The following TBC1D31 variants were observed in gnomAD, a reference collection of about 807,000 sequenced individuals.
TBC1D31 encodes WD repeat domain 67.
TBC1D31 carries 99 observed loss-of-function variants against 132.9 expected under a neutral mutation model. The ratio of observed to expected loss-of-function variants is 0.74; its 90% confidence interval spans 0.63 to 0.88. TBC1D31 has a LOEUF of 0.88. Among genes scored for constraint, TBC1D31 ranks in the 40% least tolerant of loss-of-function variants. TBC1D31 has a pLI of 0.00. For missense variants in TBC1D31, 1,134 were observed against 1,256.6 expected (o/e 0.90, Z 1.48); for synonymous variants, 385 against 419.4 (o/e 0.92, Z 1.00).
chr8:123,112,868 T>G (rs1290555482), intron 10 of TBC1D31, among the ~76,000 whole-genome samples: 1 of 152,214 alleles, frequency 6.6e-6, no homozygotes, highest in African/African-American at 2.4e-5. Flanking sequence ...TCACACTTAC[T>G]ATGCTTCCTG....
At chr8:123,122,373 C>T (rs548898440) in intron 11 of TBC1D31, among the ~76,000 whole-genome samples, 83 of 152,294 alleles carry the variant, frequency 5.4e-4, no homozygotes, top group Non-Finnish European at 1.1e-3. Context: ...TGAGGTCCTG[C>T]CACATGCTAG....
chr8:123,137,922 T>C (rs754150782), intron 17 of TBC1D31, among the ~76,000 whole-genome samples: 2 of 152,224 alleles, frequency 1.3e-5, no homozygotes, highest in African/African-American at 2.4e-5. Flanking sequence ...GCACAGTGTC[T>C]GATGTATGAT....
In TBC1D31 at chr8:123,126,173, A is replaced by G. The variant is rs767233564; in HGVS notation, c.1688A>G (p.His563Arg). The G allele has an allele frequency of 1.9e-6, 3 of 1,608,890 alleles. No homozygotes were observed. The highest frequency in any genetic ancestry group is 2.5e-6 in the Non-Finnish European group (3 of 1,178,172). Residue 563 changes from histidine (H) to arginine (R), a missense_variant, in exon 12 of 22, where the codon CAT becomes CGT. By Grantham distance (29) the His-to-Arg change is conservative (BLOSUM62 0). Transcript: ENST00000287380. ...GAACTGCTGCAACACTTCATAGATCATGATATAACCTCCCAGGTAAGAAGC... is the reference window on the plus strand; with the variant it reads ...GAACTGCTGCAACACTTCATAGATCGTGATATAACCTCCCAGGTAAGAAGC... ...DKELLQHFID[H>R]DITSQLYAWP...
intron 14 of TBC1D31, among the ~76,000 whole-genome samples, chr8:123,128,753 G>T (rs1205815134): frequency 2.6e-5 from 4 of 152,020 alleles, no homozygotes. Context: ...GCACGCCCCT[G>T]TAGTCCCAGC....
At chr8:123,096,671 C>T (rs1816868761) in intron 5 of TBC1D31, among the ~76,000 whole-genome samples, 1 of 152,252 alleles carries the variant, frequency 6.6e-6, no homozygotes, top group Non-Finnish European at 1.5e-5. Context: ...TGGGACCATA[C>T]CTGGCTTATA....
chr8:123,139,946 T>G (rs1821464336), intron 17 of TBC1D31, among the ~76,000 whole-genome samples: 1 of 152,162 alleles, frequency 6.6e-6, no homozygotes, highest in South Asian at 2.1e-4. Context: ...GAGTGGTCTT[T>G]CAGGGACCAC....
intron 17 of TBC1D31, among the ~76,000 whole-genome samples, chr8:123,137,655 T>A (rs1398564455): frequency 6.6e-6 from 1 of 152,238 alleles, no homozygotes; most frequent in Non-Finnish European, 1.5e-5. Flanking sequence ...AGTGCATATG[T>A]GGCTGACTTT....
At chr8:123,138,856 C>T (rs1440486667) in intron 17 of TBC1D31, among the ~76,000 whole-genome samples, 1 of 152,200 alleles carries the variant, frequency 6.6e-6, no homozygotes, top group Non-Finnish European at 1.5e-5. Context: ...GTCACCCAGG[C>T]TGGAGTGCAG....
At chr8:123,117,902 TG>T (rs1177362486) in intron 10 of TBC1D31, among the ~76,000 whole-genome samples, 136 of 152,316 alleles carry the variant, frequency 8.9e-4, no homozygotes, top group Non-Finnish European at 1.0e-4. Flanking sequence ...CACTCCAGCC[TG>T]GGCAACAGTG....
intron 7 of TBC1D31, chr8:123,102,578 T>G: frequency 4.2e-6 from 1 of 235,940 alleles, no homozygotes; most frequent in South Asian, 5.0e-5. Flanking sequence ...CTCCTCATTA[T>G]TTGTGCATTC....
chr8:123,100,335 G>A (rs534218005), intron 6 of TBC1D31, among the ~76,000 whole-genome samples: 7 of 152,002 alleles, frequency 4.6e-5, no homozygotes, highest in South Asian at 2.1e-4. Flanking sequence ...CAGCACTTTC[G>A]GAGGCCGAGG....
At chr8:123,073,748 C>T (rs911288982) in intron 1 of TBC1D31, among the ~76,000 whole-genome samples, 10 of 152,160 alleles carry the variant, frequency 6.6e-5, no homozygotes, top group African/African-American at 2.2e-4. Context: ...TGCAGTGGCG[C>T]GACCTCGGCT....
intron 16 of TBC1D31, 105 bp from the exon 17 acceptor site, chr8:123,134,009 T>G: frequency 1.3e-6 from 1 of 772,618 alleles, no homozygotes; most frequent in Non-Finnish European, 2.0e-6. Context: ...GTTGCTGTTA[T>G]TTTAAATACT....
At chr8:123,153,371 C>G (rs1480473949), downstream of TBC1D31, among the ~76,000 whole-genome samples, 1 of 152,178 alleles carries the variant, frequency 6.6e-6, no homozygotes, top group Non-Finnish European at 1.5e-5. Context: ...TGCAGCTACA[C>G]ACGCCACATA....
intron 2 of TBC1D31, among the ~76,000 whole-genome samples, chr8:123,078,112 A>T (rs1814731005): frequency 1.3e-5 from 2 of 152,294 alleles, no homozygotes; most frequent in South Asian, 4.1e-4. Context: ...GAAACAATTT[A>T]GTCCGAAAGC....
At chr8:123,164,289 C>A in the TBC1D31 span, among the ~76,000 whole-genome samples, 1 of 152,206 alleles carries the variant, frequency 6.6e-6, no homozygotes, top group Non-Finnish European at 1.5e-5. Flanking sequence ...AAGGCCCCTG[C>A]TCTGGGTATA....
At chr8:123,132,207 A>G (rs1381067610) in intron 16 of TBC1D31, among the ~76,000 whole-genome samples, 5 of 152,070 alleles carry the variant, frequency 3.3e-5, no homozygotes, top group African/African-American at 9.7e-5. Context: ...GTTCTCACTC[A>G]TTAGTCTTCC....
rs1325702408 is a variant in TBC1D31 at position 123,130,181 on chromosome 8, T to C, written c.2271-17T>C. 7 of 1,598,378 alleles carry C rather than the reference T, an allele frequency of 4.4e-6. No homozygotes were observed. The highest frequency in any genetic ancestry group is 5.1e-6 in the Non-Finnish European group (6 of 1,173,168). ...GAATTGCTGTATTTGTTCCACTTGA[T>C]GTATTTTGTATTTAAGGCTAGCTGC... On this transcript the variant is annotated splice_polypyrimidine_tract_variant and intron_variant, in intron 15 of 21. Transcript: ENST00000287380.
chr8:123,121,816 C>T (rs913271306), intron 11 of TBC1D31, among the ~76,000 whole-genome samples: 1 of 152,064 alleles, frequency 6.6e-6, no homozygotes, highest in African/African-American at 2.4e-5. Flanking sequence ...ATAGCACTAC[C>T]GTGTTTTAAA....
Sources: allele counts gnomAD v4.1 joint callset (sites outside exome capture counted in the v4.1 genomes callset), GRCh38; gene constraint gnomAD v4.1.1; transcripts MANE v1.5; gene names NCBI Gene and HGNC (gene_info 2026-07-23, HGNC 2026-07-21).